Variants in NFATC3 observed in about 807,000 individuals in gnomAD.
NFATC3 encodes nuclear factor of activated T cells 3.
A neutral mutation model predicts 98.6 loss-of-function variants in NFATC3; 46 were observed. That is an observed-to-expected ratio of 0.47 (90% CI 0.37 to 0.60). The LOEUF is 0.60. Among genes scored for constraint, NFATC3 ranks in the 20% least tolerant of loss-of-function variants. NFATC3 has a pLI of 0.00. For synonymous variants in NFATC3, 512 were observed against 472.2 expected (o/e 1.08, Z -1.09); for missense variants, 1,256 against 1,295.5 (o/e 0.97, Z 0.47).
rs2039405855 is a variant in NFATC3, at chr16:68,170,434, T to C, written c.1774+3419T>C. ...AAATGGTACAAAGAATAGTATAATA[T>C]TAAATTATTTTGTAATATTACTATT... On this transcript the variant is annotated intron_variant, in intron 5 of 9. Coordinates refer to ENST00000346183, the MANE Select transcript of NFATC3 (RefSeq NM_173165.3). Among the ~76,000 whole-genome samples the C allele has an allele frequency of 2.0e-5, 3 of 150,542 alleles. No homozygotes were observed. In the South Asian group the frequency reaches 6.3e-4, roughly 31 times the overall value.
intron 3 of NFATC3, among the ~76,000 whole-genome samples, chr16:68,152,726 A>G (rs190148684): frequency 6.6e-6 from 1 of 152,142 alleles, no homozygotes; most frequent in Admixed American, 6.5e-5. Flanking sequence ...GTTTTTATAC[A>G]TTTTTACATG....
At chr16:68,109,586 C>T (rs2035839050) in intron 1 of NFATC3, among the ~76,000 whole-genome samples, 1 of 152,190 alleles carries the variant, frequency 6.6e-6, no homozygotes, top group Non-Finnish European at 1.5e-5. Context: ...ATGCTGGCCT[C>T]ATAAAATGAG....
chr16:68,210,206 G>A (rs1277981253), intron 9 of NFATC3, among the ~76,000 whole-genome samples: 2 of 151,620 alleles, frequency 1.3e-5, no homozygotes, highest in Non-Finnish European at 2.9e-5. Flanking sequence ...GCTGAGGCAG[G>A]AGAATGGCGT....
chr16:68,186,712 C>A (rs1325585690), intron 8 of NFATC3, among the ~76,000 whole-genome samples: 4 of 152,166 alleles, frequency 2.6e-5, no homozygotes, highest in African/African-American at 9.7e-5. Flanking sequence ...TTTAATTTTT[C>A]ATCATCAACA....
chr16:68,212,373 T>C (rs75399828), intron 9 of NFATC3: 1 of 152,228 alleles, frequency 6.6e-6, no homozygotes, highest in Non-Finnish European at 1.5e-5. Flanking sequence ...TATTAGTTAG[T>C]GTTCATAGAG....
intron 1 of NFATC3, 86 bp downstream of exon 1, chr16:68,085,870 C>A: frequency 2.8e-6 from 3 of 1,054,740 alleles, no homozygotes; most frequent in Non-Finnish European, 3.8e-6. Context: ...CCTTGGATGA[C>A]CGGAGACCGA....
At chr16:68,192,230 A>ATATATATATATATAT (rs10642778) in intron 9 of NFATC3, 1 of 82,596 alleles carries the variant, frequency 1.2e-5, no homozygotes, top group African/African-American at 5.7e-5. Context: ...AAAAAAAAAA[A>ATATATATATATATAT]ATATATATAT....
At chr16:68,101,236 G>T (rs1167119244) in intron 1 of NFATC3, among the ~76,000 whole-genome samples, 1 of 151,638 alleles carries the variant, frequency 6.6e-6, no homozygotes, top group Admixed American at 6.6e-5. Context: ...TCAACCTCCT[G>T]GGCTCAAGCT....
chr16:68,152,891 G>T (rs753205409), intron 3 of NFATC3, among the ~76,000 whole-genome samples: 1 of 152,154 alleles, frequency 6.6e-6, no homozygotes, highest in South Asian at 2.1e-4. Flanking sequence ...AACATAAGTG[G>T]CACTCTCATC....
chr16:68,122,675 A>G lies in NFATC3; in HGVS notation c.792A>G (p.Ser264=). The G allele has an allele frequency of 1.9e-6, 3 of 1,614,162 alleles. No individual in the cohort carries two copies. The highest frequency in any genetic ancestry group is 1.7e-6 in the Non-Finnish European group (2 of 1,180,020). ...WLSPRPASGP[S]SRPTSPCGKR... ...GCCCCAGGCCAGCCTCAGGACCCTC[A>G]TCAAGGCCCACATCCCCCTGTGGGA... Residue 264 remains serine (S), a synonymous_variant, in exon 2 of 10, where the codon TCA becomes TCG. Transcript: ENST00000346183.
At chr16:68,093,337 C>T (rs1299167701) in intron 1 of NFATC3, among the ~76,000 whole-genome samples, 1 of 152,104 alleles carries the variant, frequency 6.6e-6, no homozygotes, top group African/African-American at 2.4e-5. Flanking sequence ...CAAGCTAATT[C>T]AGTCCTTCCA....
intron 3 of NFATC3, among the ~76,000 whole-genome samples, chr16:68,141,909 C>T (rs1436573083): frequency 6.6e-6 from 1 of 151,950 alleles, no homozygotes; most frequent in Non-Finnish European, 1.5e-5. Flanking sequence ...GAAGTTTTTC[C>T]TAGGTTTTCC....
intron 1 of NFATC3, among the ~76,000 whole-genome samples, chr16:68,091,746 G>A (rs775041881): frequency 6.6e-6 from 1 of 152,238 alleles, no homozygotes; most frequent in Non-Finnish European, 1.5e-5. Context: ...GCTCACAGCA[G>A]TAACATAAAT....
chr16:68,183,272 T>C lies in NFATC3; in HGVS notation c.2004T>C (p.His668=), dbSNP rs768369686. ...TTGTCCTTGAAGTTCCTCCATATCA[T>C]AACCCAGCAGTTACAGCTGCAGTGC... is the stretch of plus-strand genomic sequence containing the variant. ...AHIVLEVPPY[H]NPAVTAAVQV... is the part of the protein sequence containing the mutation. Residue 668 remains histidine (H), a synonymous_variant, in exon 8 of 10, where the codon CAT becomes CAC. Coordinates refer to ENST00000346183, the MANE Select transcript of NFATC3 (RefSeq NM_173165.3). 6.2e-7 allele frequency: 1 copy of C among 1,602,990 alleles called. No homozygotes were observed. The highest frequency in any genetic ancestry group is 1.8e-5 in the Admixed American group (1 of 56,720).
At chr16:68,184,004 CAAAAAAAAAA>C (rs34341175) in intron 8 of NFATC3, among the ~76,000 whole-genome samples, 3 of 62,260 alleles carry the variant, frequency 4.8e-5, no homozygotes, top group African/African-American at 1.9e-4. Context: ...AACTCCGTCA[CAAAAAAAAAA>C]AAAAAAAAAA....
intron 9 of NFATC3, among the ~76,000 whole-genome samples, chr16:68,201,900 G>C (rs1279158828): frequency 7.9e-6 from 1 of 126,940 alleles, no homozygotes; most frequent in East Asian, 2.4e-4. Flanking sequence ...GGAGGTTGCA[G>C]TGAGCTGAGA....
At chr16:68,181,164 C>A (rs2039936087) in intron 6 of NFATC3, among the ~76,000 whole-genome samples, 1 of 152,148 alleles carries the variant, frequency 6.6e-6, no homozygotes, top group Non-Finnish European at 1.5e-5. Flanking sequence ...TCTCCAGCAC[C>A]TGTTGTTTCC....
At position 68,143,583 on chromosome 16, in the gene NFATC3, T is replaced by TC. The variant is rs199782835; in HGVS notation, c.1402-14285dup. Among the ~76,000 whole-genome samples the TC allele has an allele frequency of 6.1e-3, 927 of 152,298 alleles. 7 individuals carry two copies. Among genetic ancestry groups the TC allele is most frequent in the African/African-American group, 0.021 (858 of 41,564 alleles). On this transcript the variant is annotated intron_variant, in intron 3 of 9. Coordinates refer to ENST00000346183, the MANE Select transcript of NFATC3 (RefSeq NM_173165.3). The stretch of plus-strand genomic sequence containing the variant: ...TAAAACACAGGTCAGGAGCGGTGGC[T>TC]CACACCTGTGACCCCAGCATTCTGG...
chr16:68,170,906 T>C (rs1291911267), intron 5 of NFATC3, among the ~76,000 whole-genome samples: 9 of 152,254 alleles, frequency 5.9e-5, no homozygotes, highest in East Asian at 3.8e-4. Flanking sequence ...TTTTCACTTA[T>C]ACTATCATAG....
Sources: gnomAD v4.1 joint callset for allele counts (sites outside exome capture counted in the v4.1 genomes callset) on GRCh38, gnomAD v4.1.1 for gene constraint, MANE v1.5 for transcripts, NCBI Gene and HGNC (gene_info 2026-07-23, HGNC 2026-07-21) for gene names.